Variants in LMBRD1 observed in about 807,000 individuals in gnomAD.
LMBRD1 encodes the protein LMBR1 domain containing 1, also known as lysosomal cobalamin transport escort protein LMBD1.
LMBRD1 carries 64 observed loss-of-function variants against 74.8 expected under a neutral mutation model. That is an observed-to-expected ratio of 0.86 (90% CI 0.70 to 1.05). The LOEUF is 1.05. Ranked by LOEUF, LMBRD1 falls within the 50% of genes least tolerant of loss-of-function variation. LMBRD1 has a pLI of 0.00. For synonymous variants in LMBRD1, 204 were observed against 216.3 expected (o/e 0.94, Z 0.50); for missense variants, 652 against 645.9 (o/e 1.01, Z -0.10).
chr6:69,755,567 C>T (rs1765250631), intron 3 of LMBRD1, among the ~76,000 whole-genome samples: 1 of 145,178 alleles, frequency 6.9e-6, no homozygotes, highest in African/African-American at 2.6e-5. Context: ...CCTGTACATT[C>T]TGCACATGTA....
intron 3 of LMBRD1, among the ~76,000 whole-genome samples, chr6:69,767,299 T>A (rs1029752115): frequency 3.3e-5 from 5 of 151,792 alleles, no homozygotes; most frequent in South Asian, 2.1e-4. Flanking sequence ...GAAGTTTAGG[T>A]AGTTGAGAAT....
At chr6:69,706,342 C>T (rs947724199) in intron 9 of LMBRD1, among the ~76,000 whole-genome samples, 2 of 152,156 alleles carry the variant, frequency 1.3e-5, no homozygotes, top group African/African-American at 4.8e-5. Context: ...TTTATTTCCC[C>T]TTTCTTTTCA....
chr6:69,773,619 T>C (rs1447071826), intron 3 of LMBRD1, among the ~76,000 whole-genome samples: 1 of 152,194 alleles, frequency 6.6e-6, no homozygotes, highest in Non-Finnish European at 1.5e-5. Context: ...ATGTGTATAC[T>C]TTGACTCACT....
At chr6:69,689,203 A>AG (rs1765828590) in intron 14 of LMBRD1, among the ~76,000 whole-genome samples, 1 of 152,112 alleles carries the variant, frequency 6.6e-6, no homozygotes, top group Admixed American at 6.5e-5. Flanking sequence ...TAGCTTGGTC[A>AG]GACATGCATG....
intron 3 of LMBRD1, among the ~76,000 whole-genome samples, chr6:69,753,282 CATTT>C (rs745632037): frequency 9.9e-5 from 15 of 152,238 alleles, no homozygotes; most frequent in Admixed American, 6.5e-4. Flanking sequence ...TATTCACATT[CATTT>C]GTTTGTACAT....
chr6:69,745,718 TCAAA>T (rs1335038895), intron 5 of LMBRD1, among the ~76,000 whole-genome samples: 1 of 152,126 alleles, frequency 6.6e-6, no homozygotes, highest in African/African-American at 2.4e-5. Flanking sequence ...ATGTCATTCT[TCAAA>T]CACTCCATGC....
chr6:69,716,243 T>A (rs949523450), intron 8 of LMBRD1, among the ~76,000 whole-genome samples: 2 of 152,220 alleles, frequency 1.3e-5, no homozygotes, highest in Non-Finnish European at 2.9e-5. Flanking sequence ...CAACAGTGTT[T>A]AAGCCTTCTC....
intron 7 of LMBRD1, among the ~76,000 whole-genome samples, chr6:69,733,505 A>T (rs1467604543): frequency 8.5e-5 from 13 of 152,182 alleles, no homozygotes; most frequent in Admixed American, 8.5e-4. Flanking sequence ...ATTTTTACAG[A>T]TGGGGAAGCT....
Position 69,792,409 on chromosome 6 carries a change from T to C in LMBRD1, c.70-1937A>G, listed in dbSNP as rs559240320. Among the ~76,000 whole-genome samples the C allele has an allele frequency of 2.5e-3, 378 of 152,350 alleles. 1 individual carries two copies. The highest frequency in any genetic ancestry group is 3.5e-3 in the Non-Finnish European group (240 of 68,032). On this transcript the variant is annotated intron_variant, in intron 1 of 15. Transcript: ENST00000649934. The stretch of plus-strand genomic sequence containing the variant: ...TCTAGAATATCATAATGCCTTCATA[T>C]AGTATGTTGTCTTTTCAGTCTGGCT...
At chr6:69,679,619 A>C (rs994573390) in intron 14 of LMBRD1, among the ~76,000 whole-genome samples, 1 of 152,148 alleles carries the variant, frequency 6.6e-6, no homozygotes, top group Admixed American at 6.6e-5. Context: ...CAAGGGTATA[A>C]AAATGAGAAA....
chr6:69,704,574 T>C (rs1766207602), intron 9 of LMBRD1, among the ~76,000 whole-genome samples: 1 of 152,138 alleles, frequency 6.6e-6, no homozygotes, highest in Non-Finnish European at 1.5e-5. Context: ...GCATCAGATG[T>C]TCCAAGCTTA....
intron 8 of LMBRD1, among the ~76,000 whole-genome samples, chr6:69,717,984 T>C (rs1582082940): frequency 6.6e-6 from 1 of 152,200 alleles, no homozygotes; most frequent in Non-Finnish European, 1.5e-5. Context: ...TAGCCACTTA[T>C]ATTTTATTTG....
intron 6 of LMBRD1, among the ~76,000 whole-genome samples, chr6:69,738,848 C>T (rs1767033300): frequency 6.6e-6 from 1 of 152,052 alleles, no homozygotes; most frequent in Non-Finnish European, 1.5e-5. Flanking sequence ...GAATCAAATA[C>T]AAAGTTTTGA....
chr6:69,676,948 T>A (rs1236888935), intron 14 of LMBRD1, among the ~76,000 whole-genome samples: 1 of 152,142 alleles, frequency 6.6e-6, no homozygotes, highest in Admixed American at 6.6e-5. Flanking sequence ...CAGTATTAAG[T>A]TGCACTTGTA....
At chr6:69,761,260 G>A (rs1765366470) in intron 3 of LMBRD1, among the ~76,000 whole-genome samples, 1 of 151,788 alleles carries the variant, frequency 6.6e-6, no homozygotes, top group African/African-American at 2.4e-5. Context: ...GATATTTTTG[G>A]TTATTTCCCC....
chr6:69,763,105 T>G (rs931778216), intron 3 of LMBRD1, among the ~76,000 whole-genome samples: 1 of 152,046 alleles, frequency 6.6e-6, no homozygotes, highest in Non-Finnish European at 1.5e-5. Flanking sequence ...TTGGGAACTG[T>G]GTTCTAGTGT....
chr6:69,679,333 T>C (rs1765614354), intron 14 of LMBRD1, among the ~76,000 whole-genome samples: 1 of 152,140 alleles, frequency 6.6e-6, no homozygotes. Flanking sequence ...GAGTTCAGAC[T>C]CACAGCAGAG....
chr6:69,761,698 T>G (rs778534175), intron 3 of LMBRD1, among the ~76,000 whole-genome samples: 1 of 152,210 alleles, frequency 6.6e-6, no homozygotes, highest in African/African-American at 2.4e-5. Flanking sequence ...TCAATAATGT[T>G]TGGTAAATTT....
intron 7 of LMBRD1, among the ~76,000 whole-genome samples, chr6:69,728,312 G>A (rs969784848): frequency 1.3e-5 from 2 of 152,092 alleles, no homozygotes; most frequent in East Asian, 1.9e-4. Flanking sequence ...AGGCCACACC[G>A]CCGACACTCG....
Sources: gnomAD v4.1 joint callset for allele counts (sites outside exome capture counted in the v4.1 genomes callset) on GRCh38, gnomAD v4.1.1 for gene constraint, MANE v1.5 for transcripts, NCBI Gene and HGNC (gene_info 2026-07-23, HGNC 2026-07-21) for gene names.